Variants in WASHC4 observed in about 807,000 individuals in gnomAD.
WASHC4 encodes the protein WASH complex subunit 7.
Under a neutral mutation model 166.6 loss-of-function variants are expected in WASHC4, and 86 were observed. The observed-to-expected ratio is 0.52, with a 90% CI of 0.43 to 0.62. WASHC4 has a LOEUF of 0.62. Ranked by LOEUF, WASHC4 falls within the 20% of genes least tolerant of loss-of-function variation. The probability of loss-of-function intolerance (pLI) is 0.00; values close to 1 mark genes in which losing one functional copy is unlikely to be tolerated. For synonymous variants in WASHC4, 446 were observed against 451.6 expected (o/e 0.99, Z 0.16); for missense variants, 1,262 against 1,382.4 (o/e 0.91, Z 1.38).
chr12:105,111,790 A>G (rs543271535), intron 2 of WASHC4, among the ~76,000 whole-genome samples: 2 of 152,322 alleles, frequency 1.3e-5, no homozygotes, highest in East Asian at 3.9e-4. Flanking sequence ...CTTTAAAATT[A>G]GTTTGTTACC....
chr12:105,124,670 G>A (rs1465984723), intron 10 of WASHC4, among the ~76,000 whole-genome samples: 3 of 151,918 alleles, frequency 2.0e-5, no homozygotes, highest in Non-Finnish European at 2.9e-5. Flanking sequence ...TAGTAGAGAC[G>A]AGGTTTCACC....
At chr12:105,122,957 A>G (rs1880911300) in intron 10 of WASHC4, among the ~76,000 whole-genome samples, 1 of 152,172 alleles carries the variant, frequency 6.6e-6, no homozygotes. Context: ...AAACGAAAAG[A>G]AGAGTTTCAT....
chr12:105,132,082 C>T (rs1331244054), intron 13 of WASHC4, among the ~76,000 whole-genome samples: 2 of 152,218 alleles, frequency 1.3e-5, no homozygotes, highest in Admixed American at 6.5e-5. Flanking sequence ...CATTTCTTTA[C>T]CCTGTGTAAC....
At chr12:105,109,352 A>G (rs1283093633) in intron 1 of WASHC4, among the ~76,000 whole-genome samples, 1 of 152,228 alleles carries the variant, frequency 6.6e-6, no homozygotes, top group African/African-American at 2.4e-5. Context: ...GATTCACTCA[A>G]CAGATATTTT....
chr12:105,142,983 C>T, intron 19 of WASHC4, 144 bp from the exon 20 acceptor site: 1 of 635,704 alleles, frequency 1.6e-6, no homozygotes, highest in Non-Finnish European at 2.8e-6. Context: ...GGTTCTTTTT[C>T]TTTAGGAAAG....
At chr12:105,152,897 G>A (rs1234758167) in intron 26 of WASHC4, among the ~76,000 whole-genome samples, 1 of 152,088 alleles carries the variant, frequency 6.6e-6, no homozygotes, top group African/African-American at 2.4e-5. Flanking sequence ...TTGTCCTTCT[G>A]CCCTTACGAG....
Position 105,111,186 on chromosome 12 carries a change from A to C in WASHC4, c.123A>C (p.Gln41His). 6.2e-7 allele frequency: 1 copy of C among 1,606,744 alleles called. No individual in the cohort carries two copies. The highest frequency in any genetic ancestry group is 1.7e-5 in the Admixed American group (1 of 60,014). The change falls in exon 2 of 33, where the codon CAA (glutamine) becomes CAC (histidine). Residue 41 changes from glutamine to histidine, a missense_variant. By Grantham distance (24) the Gln-to-His change is conservative. Transcript: ENST00000332180. ...YGKFLEEYTS[Q>H]LRRIEDALDD... The stretch of plus-strand genomic sequence containing the variant: ...AATTTCTTGAGGAGTATACCTCTCA[A>C]CTGAGAAGAATTGAGGACGCTCTGG...
At chr12:105,148,289 T>G (rs763702589) in intron 24 of WASHC4, 25 of 985,376 alleles carry the variant, frequency 2.5e-5, no homozygotes, top group Non-Finnish European at 3.0e-5. Context: ...GTTTGTACCT[T>G]TGAGGATAAA....
chr12:105,160,459 G>C (rs1884427454), intron 29 of WASHC4, among the ~76,000 whole-genome samples: 1 of 152,044 alleles, frequency 6.6e-6, no homozygotes, highest in East Asian at 1.9e-4. Context: ...CCAGCCCCCT[G>C]CCTCAGCCTC....
chr12:105,149,200 C>T (rs1405441006), intron 24 of WASHC4: 4 of 985,092 alleles, frequency 4.1e-6, no homozygotes, highest in Non-Finnish European at 4.8e-6. Flanking sequence ...TCAGAGAACA[C>T]CATGTTTCTT....
chr12:105,149,181 C>T (rs1365510632), intron 24 of WASHC4: 1 of 985,174 alleles, frequency 1.0e-6, no homozygotes, highest in South Asian at 4.7e-5. Flanking sequence ...GTGGTATCTT[C>T]AGGAAGGTTC....
At chr12:105,122,316 T>G in intron 10 of WASHC4, 78 bp downstream of exon 10, 2 of 1,400,246 alleles carry the variant, frequency 1.4e-6, no homozygotes, top group Admixed American at 1.7e-5. Flanking sequence ...AGGACACTTT[T>G]ATAATATACT....
At chr12:105,141,870 T>C (rs897900306) in intron 18 of WASHC4, among the ~76,000 whole-genome samples, 2 of 152,086 alleles carry the variant, frequency 1.3e-5, no homozygotes, top group African/African-American at 4.8e-5. Context: ...TGGCATTTAA[T>C]TTTCCACTCT....
chr12:105,152,989 A>T (rs1358652718), intron 26 of WASHC4, among the ~76,000 whole-genome samples: 1 of 152,224 alleles, frequency 6.6e-6, no homozygotes, highest in Non-Finnish European at 1.5e-5. Context: ...ACAAAACTTT[A>T]TACTTATTTG....
intron 6 of WASHC4, among the ~76,000 whole-genome samples, chr12:105,118,028 T>A (rs1880348865): frequency 6.6e-6 from 1 of 152,240 alleles, no homozygotes; most frequent in Non-Finnish European, 1.5e-5. Context: ...AGTTGTACTT[T>A]CTATACTGGC....
chr12:105,118,563 T>C (rs897512970), intron 7 of WASHC4, 35 bp downstream of exon 7: 8 of 1,184,678 alleles, frequency 6.8e-6, no homozygotes, highest in Admixed American at 6.7e-5. Context: ...GCTTTTATAA[T>C]AGAGATGCAG....
At chr12:105,127,909 A>C (rs1334104270) in intron 13 of WASHC4, among the ~76,000 whole-genome samples, 1 of 152,218 alleles carries the variant, frequency 6.6e-6, no homozygotes, top group East Asian at 1.9e-4. Flanking sequence ...CGTAAAGTAG[A>C]GAAAATAGTA....
At chr12:105,153,844 G>A (rs1398053842) in intron 26 of WASHC4, among the ~76,000 whole-genome samples, 1 of 151,908 alleles carries the variant, frequency 6.6e-6, no homozygotes, top group East Asian at 1.9e-4. Context: ...AGAAATAACA[G>A]TTGTTAAATC....
At chr12:105,153,940 A>AC (rs1883958093) in intron 26 of WASHC4, among the ~76,000 whole-genome samples, 1 of 152,122 alleles carries the variant, frequency 6.6e-6, no homozygotes, top group African/African-American at 2.4e-5. Context: ...CACCTTGCTT[A>AC]CCACCAGGTT....
Sources: gnomAD v4.1 joint callset for allele counts (sites outside exome capture counted in the v4.1 genomes callset) on GRCh38, gnomAD v4.1.1 for gene constraint, MANE v1.5 for transcripts, NCBI Gene and HGNC (gene_info 2026-07-23, HGNC 2026-07-21) for gene names.